Variants in PNPLA7 observed in about 807,000 individuals in gnomAD.
PNPLA7 encodes the protein patatin-like phospholipase domain-containing protein 7.
Under a neutral mutation model 161.7 loss-of-function variants are expected in PNPLA7, and 153 were observed. The ratio of observed to expected loss-of-function variants is 0.95; its 90% confidence interval spans 0.83 to 1.08. The LOEUF is 1.08. Ranked by LOEUF, PNPLA7 falls within the 50% of genes least tolerant of loss-of-function variation. The pLI, the probability that PNPLA7 is intolerant of heterozygous loss-of-function variation, is 0.00. For synonymous variants in PNPLA7, 809 were observed against 782.1 expected (o/e 1.03, Z -0.57); for missense variants, 1,739 against 1,856.6 (o/e 0.94, Z 1.16).
intron 8 of PNPLA7, among the ~76,000 whole-genome samples, chr9:137,530,586 G>C (rs977763159): frequency 6.6e-6 from 1 of 152,142 alleles, no homozygotes; most frequent in Non-Finnish European, 1.5e-5. Context: ...CTTTATTTTC[G>C]GAGTTCTCCA....
chr9:137,483,994 T>A (rs1020849768), intron 21 of PNPLA7, among the ~76,000 whole-genome samples: 1 of 151,578 alleles, frequency 6.6e-6, no homozygotes, highest in African/African-American at 2.4e-5. Flanking sequence ...AGTGCAATGG[T>A]GTGTGATCTT....
At chr9:137,477,888 T>A (rs1379803008) in intron 25 of PNPLA7, 146 bp downstream of exon 25, 12 of 578,114 alleles carry the variant, frequency 2.1e-5, no homozygotes, top group Non-Finnish European at 2.8e-5. Flanking sequence ...CAGGCCGGGG[T>A]GGAGGCTGGG....
Position 137,519,227 on chromosome 9 carries a change from C to T in PNPLA7, c.1084+690G>A, listed in dbSNP as rs190849106. Among the ~76,000 whole-genome samples, 18 of 152,388 alleles carry T rather than the reference C, an allele frequency of 1.2e-4. No homozygotes were observed. In the East Asian group the frequency reaches 3.5e-3, roughly 29 times the overall value. ...GCTATAAATAACCAAGCGCGCACCTCATCTGTAGGGTGGCTGTTAACTCCA... is the reference window on the plus strand; with the variant it reads ...GCTATAAATAACCAAGCGCGCACCTTATCTGTAGGGTGGCTGTTAACTCCA... On this transcript the variant is annotated intron_variant, in intron 11 of 34. Transcript: ENST00000406427.
intron 12 of PNPLA7, among the ~76,000 whole-genome samples, chr9:137,512,097 CGT>C (rs889609541): frequency 6.6e-6 from 1 of 152,206 alleles, no homozygotes; most frequent in African/African-American, 2.4e-5. Flanking sequence ...CTCTTAGTCT[CGT>C]GTCTTATTTT....
chr9:137,522,295 C>G (rs578000830), intron 9 of PNPLA7, among the ~76,000 whole-genome samples: 1 of 149,914 alleles, frequency 6.7e-6, no homozygotes, highest in East Asian at 1.9e-4. Context: ...AGGATGGTCT[C>G]GATCTCCTGA....
Position 137,541,873 on chromosome 9 carries a change from C to A in PNPLA7, c.666+769G>T, listed in dbSNP as rs1836226065. On this transcript the variant is annotated intron_variant, in intron 7 of 34. Coordinates refer to ENST00000406427, the MANE Select transcript of PNPLA7 (RefSeq NM_001098537.3). This position sits in a 1 kb window ranked among gnomAD's most constrained non-coding sequence, Gnocchi z 4.4. The stretch of plus-strand genomic sequence containing the variant: ...CACAGCTCACTATAGCCGCAACCTC[C>A]CAGACTCAAGCGATCCTCCCACCTC... Among the ~76,000 whole-genome samples, 1 of 152,096 alleles carries A rather than the reference C, an allele frequency of 6.6e-6. No homozygotes were observed. Among genetic ancestry groups the A allele is most frequent in the African/African-American group, 2.4e-5 (1 of 41,404 alleles).
intron 12 of PNPLA7, chr9:137,508,670 A>T (rs1834045707): frequency 6.6e-6 from 1 of 152,234 alleles, no homozygotes; most frequent in Non-Finnish European, 1.5e-5. Flanking sequence ...TGAAAGGTAA[A>T]ACGTTAAATC....
chr9:137,465,699 C>T (rs1357844049), intron 26 of PNPLA7, among the ~76,000 whole-genome samples: 1 of 152,196 alleles, frequency 6.6e-6, no homozygotes, highest in Non-Finnish European at 1.5e-5. Context: ...CCCCGGGCCA[C>T]GTGAATGCAG....
At chr9:137,522,047 G>A (rs1835020156) in intron 9 of PNPLA7, among the ~76,000 whole-genome samples, 1 of 152,198 alleles carries the variant, frequency 6.6e-6, no homozygotes, top group South Asian at 2.1e-4. Context: ...CTTTGAGATT[G>A]TGAACATTCA....
At chr9:137,515,161 A>G (rs1410339798) in intron 12 of PNPLA7, among the ~76,000 whole-genome samples, 1 of 152,086 alleles carries the variant, frequency 6.6e-6, no homozygotes, top group Non-Finnish European at 1.5e-5. Flanking sequence ...CAGGGCAGGC[A>G]CGCAGAGGAG....
intron 29 of PNPLA7, chr9:137,463,140 C>T: frequency 1.7e-6 from 1 of 587,750 alleles, no homozygotes; most frequent in Non-Finnish European, 3.0e-6. Flanking sequence ...TAATTGCTCC[C>T]AGTTCCTCGA....
intron 26 of PNPLA7, among the ~76,000 whole-genome samples, chr9:137,465,994 C>G (rs1031106325): frequency 2.0e-5 from 3 of 152,174 alleles, no homozygotes; most frequent in Non-Finnish European, 4.4e-5. Flanking sequence ...CAAGGCCAGA[C>G]TAGTGGCCAA....
At chr9:137,504,720 TA>T (rs112873426) in intron 14 of PNPLA7, among the ~76,000 whole-genome samples, 5,248 of 152,120 alleles carry the variant, frequency 0.034, 300 homozygotes, top group African/African-American at 0.12. Flanking sequence ...CCTTAACCGT[TA>T]GAGAGGAATG....
chr9:137,522,243 T>C (rs1390634646), intron 9 of PNPLA7, among the ~76,000 whole-genome samples: 2 of 152,106 alleles, frequency 1.3e-5, no homozygotes, highest in Non-Finnish European at 2.9e-5. Context: ...CCTGGCTAAT[T>C]TTTTGTATTT....
intron 1 of PNPLA7, among the ~76,000 whole-genome samples, chr9:137,548,444 T>C (rs979759015): frequency 6.6e-6 from 1 of 152,206 alleles, no homozygotes; most frequent in Non-Finnish European, 1.5e-5. Flanking sequence ...AGGACTCCCA[T>C]CCGTGCCAGA....
At chr9:137,475,010 CAAAAAAAA>C (rs58417100) in intron 25 of PNPLA7, among the ~76,000 whole-genome samples, 15 of 63,612 alleles carry the variant, frequency 2.4e-4, no homozygotes, top group Non-Finnish European at 3.9e-4. Context: ...GACTCTGCCT[CAAAAAAAA>C]AAAAAAAAAA....
chr9:137,479,880 A>G, intron 23 of PNPLA7: 1 of 985,446 alleles, frequency 1.0e-6, no homozygotes, highest in Non-Finnish European at 1.2e-6. Context: ...CTGAGGATGC[A>G]GAGGCAGAGG....
intron 14 of PNPLA7, 130 bp downstream of exon 14, chr9:137,505,480 AGCCT>A: frequency 9.6e-7 from 1 of 1,041,656 alleles, no homozygotes; most frequent in Non-Finnish European, 1.4e-6. Flanking sequence ...AAGACAAGCA[AGCCT>A]GCACTCCACC....
At position 137,468,964 on chromosome 9, in the gene PNPLA7, A is replaced by G. The variant is rs974215130; in HGVS notation, c.2883-1491T>C. Among the ~76,000 whole-genome samples, 4 of 152,076 alleles carry G rather than the reference A, an allele frequency of 2.6e-5. No homozygotes were observed. The highest frequency in any genetic ancestry group is 9.7e-5 in the African/African-American group (4 of 41,406). On this transcript the variant is annotated intron_variant, in intron 25 of 34. Coordinates refer to ENST00000406427, the MANE Select transcript of PNPLA7 (RefSeq NM_001098537.3). This position sits in a 1 kb window ranked among gnomAD's most constrained non-coding sequence, Gnocchi z 4.0. Reference sequence around the variant, plus strand: ...AGGTATAAGCCTTAAAAACAAGTTCAAGTTGGGAGGTGGAGGTTGCAGTGA... The same window carrying G: ...AGGTATAAGCCTTAAAAACAAGTTCGAGTTGGGAGGTGGAGGTTGCAGTGA...
Sources: gnomAD v4.1 joint callset for allele counts (sites outside exome capture counted in the v4.1 genomes callset) on GRCh38, gnomAD v4.1.1 for gene constraint, Gnocchi (gnomAD v3.1) non-coding constraint, MANE v1.5 for transcripts, NCBI Gene and HGNC (gene_info 2026-07-23, HGNC 2026-07-21) for gene names.